RAPGEF6: variants seen among roughly 807,000 people sequenced by gnomAD.
The protein encoded by RAPGEF6 is PDZ domain containing guanine nucleotide exchange factor (GEF) 2.
A neutral mutation model predicts 171.4 loss-of-function variants in RAPGEF6; 56 were observed. That is an observed-to-expected ratio of 0.33 (90% CI 0.26 to 0.41). The LOEUF (loss-of-function observed/expected upper bound fraction) is 0.41. Among genes scored for constraint, RAPGEF6 ranks in the 10% least tolerant of loss-of-function variants. The pLI is 1.00. For missense variants in RAPGEF6, 1,674 were observed against 1,921.4 expected, an observed-to-expected ratio of 0.87 and a Z score of 2.41; for synonymous variants, 692 against 650.1, an observed-to-expected ratio of 1.06 and a Z score of -0.98.
chr5:131,436,493 A>G (rs1266372935), intron 24 of RAPGEF6: 6 of 995,338 alleles, frequency 6.0e-6, no homozygotes, highest in Admixed American at 3.0e-5. Context: ...AAAAATTGAA[A>G]TCTAGCAACA....
At chr5:131,621,675 A>T (rs1008106434) in intron 1 of RAPGEF6, among the ~76,000 whole-genome samples, 1 of 152,198 alleles carries the variant, frequency 6.6e-6, no homozygotes, top group African/African-American at 2.4e-5. Context: ...GCTATACTGT[A>T]TTGTTTAGGG....
intron 15 of RAPGEF6, among the ~76,000 whole-genome samples, chr5:131,486,109 C>G (rs768901196): frequency 3.3e-5 from 5 of 152,208 alleles, no homozygotes; most frequent in African/African-American, 4.8e-5. Context: ...ACATCCACTT[C>G]AGAGAGAGGT....
chr5:131,534,894 C>T (rs535478700), intron 6 of RAPGEF6, among the ~76,000 whole-genome samples: 29 of 151,928 alleles, frequency 1.9e-4, no homozygotes, highest in Non-Finnish European at 3.4e-4. Flanking sequence ...ATATTATAGC[C>T]GAATCAAAAA....
chr5:131,458,465 A>G (rs574395047), intron 19 of RAPGEF6, among the ~76,000 whole-genome samples: 113 of 152,366 alleles, frequency 7.4e-4, no homozygotes, highest in South Asian at 6.2e-3. Context: ...TAAATTACAC[A>G]GTCTCAGGTA....
At chr5:131,634,793 G>C (rs568413811) in intron 1 of RAPGEF6, among the ~76,000 whole-genome samples, 169 bp downstream of exon 1, 1 of 152,298 alleles carries the variant, frequency 6.6e-6, no homozygotes, top group African/African-American at 2.4e-5. Context: ...AAGGGCGGTC[G>C]GCACCCTGCT....
chr5:131,557,008 T>C (rs147075632), intron 5 of RAPGEF6, among the ~76,000 whole-genome samples: 1 of 152,276 alleles, frequency 6.6e-6, no homozygotes, highest in African/African-American at 2.4e-5. Flanking sequence ...CAGGCTGGAG[T>C]GCAGTGGCTA....
chr5:131,435,907 T>TA (rs1417873268), intron 24 of RAPGEF6: 4 of 1,487,512 alleles, frequency 2.7e-6, no homozygotes, highest in Non-Finnish European at 2.7e-6. Context: ...TATACATTAA[T>TA]AACTGAAAAC....
At chr5:131,528,313 T>TATATATA (rs1251388931) in intron 6 of RAPGEF6, among the ~76,000 whole-genome samples, 1 of 48,846 alleles carries the variant, frequency 2.0e-5, no homozygotes, top group African/African-American at 7.2e-5. Flanking sequence ...TATATTTATA[T>TATATATA]TATATATATA....
At chr5:131,490,177 C>A (rs1189434264) in intron 14 of RAPGEF6, among the ~76,000 whole-genome samples, 1 of 152,150 alleles carries the variant, frequency 6.6e-6, no homozygotes, top group Non-Finnish European at 1.5e-5. Context: ...TGACCCTTCA[C>A]AAGAGGGCTT....
At chr5:131,600,667 AAAAG>A (rs1431390078) in intron 3 of RAPGEF6, among the ~76,000 whole-genome samples, 1 of 151,902 alleles carries the variant, frequency 6.6e-6, no homozygotes, top group Non-Finnish European at 1.5e-5. Context: ...AGGAAGGAAA[AAAAG>A]AAACGTGATG....
At chr5:131,453,616 A>G (rs915941817) in intron 20 of RAPGEF6, among the ~76,000 whole-genome samples, 2 of 152,172 alleles carry the variant, frequency 1.3e-5, no homozygotes, top group African/African-American at 2.4e-5. Context: ...AAAACAAAAC[A>G]AAACAAAAAT....
rs745574411 is a variant in RAPGEF6, at chr5:131,492,708, C to T, written c.1605G>A (p.Lys535=). Reference sequence around the variant, plus strand: ...ATTGTAGAGGGGACTCGCGGGAAGCCTTTTGCAGCACAACCTGTCTCCACT... The same window carrying T: ...ATTGTAGAGGGGACTCGCGGGAAGCTTTTTGCAGCACAACCTGTCTCCACT... ...KAKWRQVVLQ[K]ASRESPLQFS... Residue 535 remains lysine (K), a synonymous_variant, in exon 14 of 28, where the codon AAG becomes AAA. Coordinates refer to ENST00000509018, the MANE Select transcript of RAPGEF6 (RefSeq NM_016340.6). The T allele has an allele frequency of 1.9e-6, 3 of 1,614,108 alleles. No individual in the cohort carries two copies. In the Admixed American group the frequency reaches 5.0e-5, roughly 27 times the overall value.
In RAPGEF6 at chr5:131,495,557, T is replaced by G. The variant is rs1227929294; in HGVS notation, c.1523A>C (p.Asp508Ala). The part of the protein sequence containing the change: ...FLEEFEKNLE[D>A]TKMNGHLRLL... ...AGAAATTATTTTGAGCCTTACTGTA[T>G]CTTCCAGATTTTTTTCAAATTCCTC... Residue 508 changes from aspartate to alanine, a missense_variant, in exon 13 of 28, where the codon GAT becomes GCT. Coordinates refer to ENST00000509018, the MANE Select transcript of RAPGEF6 (RefSeq NM_016340.6). 1 of 1,612,962 alleles carries G rather than the reference T, an allele frequency of 6.2e-7. No homozygotes were observed. Among genetic ancestry groups the G allele is most frequent in the Non-Finnish European group, 8.5e-7 (1 of 1,179,134 alleles).
chr5:131,429,559 TA>T (rs1036229404), intron 26 of RAPGEF6, among the ~76,000 whole-genome samples: 4 of 152,054 alleles, frequency 2.6e-5, no homozygotes, highest in African/African-American at 9.7e-5. Context: ...CAGAAACATT[TA>T]AAAGTTCACC....
intron 24 of RAPGEF6, among the ~76,000 whole-genome samples, chr5:131,439,212 T>C (rs1752221963): frequency 6.6e-6 from 1 of 152,210 alleles, no homozygotes; most frequent in South Asian, 2.1e-4. Context: ...CCACTGTGCC[T>C]GGCCTAAAAA....
intron 3 of RAPGEF6, among the ~76,000 whole-genome samples, chr5:131,596,603 T>C (rs184293775): frequency 1.3e-5 from 2 of 152,040 alleles, no homozygotes; most frequent in African/African-American, 4.8e-5. Context: ...AACAGACCAA[T>C]AGAGCAGAAT....
chr5:131,592,239 T>C, intron 4 of RAPGEF6, 144 bp downstream of exon 4: 5 of 1,332,988 alleles, frequency 3.8e-6, no homozygotes, highest in South Asian at 1.5e-5. Context: ...TAACAAAAGA[T>C]TAACTGATTC....
intron 4 of RAPGEF6, among the ~76,000 whole-genome samples, chr5:131,586,514 C>T (rs1763266138): frequency 6.6e-6 from 1 of 152,064 alleles, no homozygotes; most frequent in African/African-American, 2.4e-5. Context: ...ACCTGTGGTC[C>T]CATCTACTTG....
chr5:131,492,605 A>C lies in RAPGEF6; in HGVS notation c.1708T>G (p.Ser570Ala), dbSNP rs3756293. 3.8e-4 allele frequency: 607 copies of C among 1,614,212 alleles called. 8 individuals carry two copies. The East Asian group carries it at 0.013, about 35-fold the overall frequency. The change falls in exon 14 of 28, where the codon TCA becomes GCA. Residue 570 changes from serine to alanine, a missense_variant. This residue lies in a region of RAPGEF6 where 1,116 missense variants were observed against 1,321.5 expected (regional missense o/e 0.84). Coordinates refer to ENST00000509018, the MANE Select transcript of RAPGEF6 (RefSeq NM_016340.6). ...GVEPGSKAAD[S>A]GLKRGDQIME... ...ACCTGATCACCACGTTTCAGTCCTG[A>C]ATCAGCAGCTTTGCTACCAGGTTCT...
Sources: gnomAD v4.1 joint callset for allele counts (sites outside exome capture counted in the v4.1 genomes callset) on GRCh38, gnomAD v4.1.1 for gene constraint, gnomAD v4.1.1 regional missense constraint, MANE v1.5 for transcripts, NCBI Gene and HGNC (gene_info 2026-07-23, HGNC 2026-07-21) for gene names.